The following SH3GLB2 variants were observed in gnomAD, a reference collection of about 807,000 sequenced individuals.
SH3GLB2 encodes endophilin-B2.
A neutral mutation model predicts 48.0 loss-of-function variants in SH3GLB2; 24 were observed. That is an observed-to-expected ratio of 0.50 (90% CI 0.36 to 0.70). SH3GLB2 has a LOEUF of 0.70. Ranked by LOEUF, SH3GLB2 falls within the 30% of genes least tolerant of loss-of-function variation. The pLI, the probability that SH3GLB2 is intolerant of heterozygous loss-of-function variation, is 0.00. For missense variants in SH3GLB2, 425 were observed against 516.0 expected (o/e 0.82, Z 1.71); for synonymous variants, 227 against 207.6 (o/e 1.09, Z -0.80).
In SH3GLB2 at chr9:129,012,142, A is replaced by G. The variant is rs577564669; in HGVS notation, c.624+94T>C. 149 of 741,572 alleles carry G rather than the reference A, an allele frequency of 2.0e-4. 1 individual carries two copies. Among genetic ancestry groups the G allele is most frequent in the South Asian group, 1.2e-3 (18 of 15,650 alleles). The allele number at this position is 741,572 out of a possible 1,614,324, so 45.9% of individuals were successfully genotyped here. A position where few individuals can be genotyped will look rare whatever the true frequency, so the allele number is the denominator to read the frequency against. ...CATGGCAGTGCCCCCGCCTTACCCA[A>G]GCTGGCTTCTAGCTCCTGTGCAGTC... On this transcript the variant is annotated intron_variant, in intron 6 of 10. Coordinates refer to ENST00000372564, the MANE Select transcript of SH3GLB2 (RefSeq NM_020145.4).
chr9:129,011,805 C>G lies in SH3GLB2; in HGVS notation c.624+431G>C, dbSNP rs539504932. On this transcript the variant is annotated intron_variant, in intron 6 of 10. Coordinates refer to ENST00000372564, the MANE Select transcript of SH3GLB2 (RefSeq NM_020145.4). The surrounding 1 kb of genome is among the most constrained non-coding windows in gnomAD (Gnocchi z 4.5). ...GCCCCCCAGGCGCTCTCCAGGCCTA[C>G]GACGCCATCCCTGCCTCCTGTCTTT... 30 of 163,528 alleles carry G rather than the reference C, an allele frequency of 1.8e-4. No homozygotes were observed. The South Asian group carries it at 2.8e-3, about 16-fold the overall frequency. The allele number at this position is 163,528 out of a possible 1,614,324, so 10.1% of individuals were successfully genotyped here.
Position 129,011,942 on chromosome 9 carries a change from G to C in SH3GLB2, c.624+294C>G. The C allele has an allele frequency of 2.9e-6, 1 of 350,190 alleles. No individual in the cohort carries two copies. The highest frequency in any genetic ancestry group is 5.1e-6 in the Non-Finnish European group (1 of 195,316). 21.7% of individuals were successfully genotyped at this position (350,190 alleles called of 1,614,324 possible). On this transcript the variant is annotated intron_variant, in intron 6 of 10. Transcript: ENST00000372564. The surrounding 1 kb of genome is among the most constrained non-coding windows in gnomAD (Gnocchi z 4.5). ...GGAGGTGGAGGGGCCCTGGGGATGG[G>C]ACAGCTGCCGCCCTGAGTTCTCCAC... is the stretch of plus-strand genomic sequence containing the variant.
chr9:129,012,988 C>T (rs926661518), intron 5 of SH3GLB2: 34 of 1,550,936 alleles, frequency 2.2e-5, no homozygotes, highest in African/African-American at 9.6e-5. Context: ...CAGCACAGCG[C>T]GTGGGACAGG....
In SH3GLB2 at chr9:129,021,172, G is replaced by T; in HGVS notation, c.253C>A (p.Pro85Thr). Residue 85 changes from proline to threonine, a missense_variant, in exon 3 of 11, where the codon CCC becomes ACC. Coordinates refer to ENST00000372564, the MANE Select transcript of SH3GLB2 (RefSeq NM_020145.4). ...AGCTCCCCGTTGGTGACCCTTGAGG[G>T]GACCTTCCTGTCCAGCTTCTCATAC... ...FLYEKLDRKV[P>T]SRVTNGELLA... 1 of 1,611,846 alleles carries T rather than the reference G, an allele frequency of 6.2e-7. No homozygotes were observed. Among genetic ancestry groups the T allele is most frequent in the Non-Finnish European group, 8.5e-7 (1 of 1,179,596 alleles).
rs755277535 is a variant in SH3GLB2, at chr9:129,014,889, T to G, written c.350A>C (p.Lys117Thr). The change falls in exon 4 of 11, where the codon AAG becomes ACG. Residue 117 changes from lysine (K) to threonine (T), a missense_variant. Lys to Thr is a moderately conservative substitution (Grantham distance 78, BLOSUM62 -1). Transcript: ENST00000372564. This position sits in a 1 kb window ranked among gnomAD's most constrained non-coding sequence, Gnocchi z 4.1. ...PTTPYGKTLIKVAEAEKQLGA... is the reference protein window; with the variant it reads ...PTTPYGKTLITVAEAEKQLGA... ...CAGTTGCTTTTCAGCTTCTGCCACC[T>G]TGATCAGTGTCTTCCCTGAGAAAAC... 1 of 1,613,808 alleles carries G rather than the reference T, an allele frequency of 6.2e-7. No individual in the cohort carries two copies.
chr9:129,026,947 G>A (rs924767895), intron 1 of SH3GLB2, among the ~76,000 whole-genome samples: 2 of 152,212 alleles, frequency 1.3e-5, no homozygotes, highest in Non-Finnish European at 2.9e-5. Context: ...GACTACATGG[G>A]TTGCTGGCTG....
chr9:129,023,043 C>G (rs1444410149), intron 1 of SH3GLB2, among the ~76,000 whole-genome samples: 1 of 152,174 alleles, frequency 6.6e-6, no homozygotes, highest in Non-Finnish European at 1.5e-5. Context: ...GCACCTCCCC[C>G]ATAGGTTATG....
chr9:129,028,148 A>C lies in SH3GLB2; in HGVS notation c.7T>G (p.Phe3Val). 1 of 1,488,200 alleles carries C rather than the reference A, an allele frequency of 6.7e-7. No individual in the cohort carries two copies. The allele number at this position is 1,488,200 out of a possible 1,614,324, so 92.2% of individuals were successfully genotyped here. A position where few individuals can be genotyped will look rare whatever the true frequency, so the allele number is the denominator to read the frequency against. Residue 3 changes from phenylalanine to valine, a missense_variant, in exon 1 of 11, where the codon TTC becomes GTC. By Grantham distance (50) the Phe-to-Val change is conservative. Coordinates refer to ENST00000372564, the MANE Select transcript of SH3GLB2 (RefSeq NM_020145.4). ...TCCGACGCCAGCTTCTTCATGTTGA[A>C]GTCCATGGCGTGCCCGCACGGCCGC... is the stretch of plus-strand genomic sequence containing the variant. MD[F>V]NMKKLASDAG...
Position 129,010,133 on chromosome 9 carries a change from A to AT in SH3GLB2, c.724dup (p.Ile242AsnfsTer3). 6.2e-7 allele frequency: 1 copy of AT among 1,613,892 alleles called. No individual in the cohort carries two copies. ...AGTGGGACTCACGTGAGTGCTACTG[A>AT]TTCCCTCCAGCAAGAGACGGGTCAC... On this transcript the variant is annotated frameshift_variant, in exon 8 of 11. Coordinates refer to ENST00000372564, the MANE Select transcript of SH3GLB2 (RefSeq NM_020145.4). LOFTEE classifies it high-confidence loss of function.
intron 2 of SH3GLB2, among the ~76,000 whole-genome samples, chr9:129,021,673 G>T (rs1843807436): frequency 6.6e-6 from 1 of 151,532 alleles, no homozygotes; most frequent in Admixed American, 6.6e-5. Context: ...AAGTGACCAG[G>T]TTGGGACGGA....
At position 129,014,804 on chromosome 9, in the gene SH3GLB2, G is replaced by A. The variant is rs1452072064; in HGVS notation, c.435C>T (p.Arg145=). The A allele has an allele frequency of 5.0e-6, 8 of 1,613,726 alleles. No individual in the cohort carries two copies. In the African/African-American group the frequency reaches 8.0e-5, roughly 16 times the overall value. The part of the protein sequence containing the change: ...TASISFLTPL[R]NFLEGDWKTI... The stretch of plus-strand genomic sequence containing the variant: ...TCTTCCAGTCCCCCTCCAGGAAGTT[G>A]CGCAAGGGTGTGAGGAAGCTGATGG... The change falls in exon 4 of 11, where the codon CGC becomes CGT. Residue 145 remains arginine (R), a synonymous_variant. Transcript: ENST00000372564. The surrounding 1 kb of genome is among the most constrained non-coding windows in gnomAD (Gnocchi z 4.1).
At chr9:129,017,311 T>G (rs1421856530) in intron 3 of SH3GLB2, among the ~76,000 whole-genome samples, 1 of 152,106 alleles carries the variant, frequency 6.6e-6, no homozygotes, top group Non-Finnish European at 1.5e-5. Flanking sequence ...ATACAAGCCT[T>G]GAACACTATT....
At chr9:129,015,020 A>C in intron 3 of SH3GLB2, 116 bp from the exon 4 acceptor site, 1 of 1,378,166 alleles carries the variant, frequency 7.3e-7, no homozygotes, top group Non-Finnish European at 9.8e-7. Context: ...CTCAGTGCAG[A>C]ATGCTTTGCC....
chr9:129,008,668 G>C lies in SH3GLB2; in HGVS notation c.*16C>G, dbSNP rs778468857. Reference sequence around the variant, plus strand: ...TCCTGCCTAGGCCAGAATGCGGGGGGGATGGGGGCACCTGCCTAGCTGAGC... The same window carrying C: ...TCCTGCCTAGGCCAGAATGCGGGGGCGATGGGGGCACCTGCCTAGCTGAGC... On this transcript the variant is annotated 3_prime_UTR_variant, in exon 11 of 11. Coordinates refer to ENST00000372564, the MANE Select transcript of SH3GLB2 (RefSeq NM_020145.4). The C allele has an allele frequency of 1.4e-5, 22 of 1,602,350 alleles. No homozygotes were observed. In the East Asian group the frequency reaches 4.5e-4, roughly 32 times the overall value.
At chr9:129,008,893 A>T in intron 10 of SH3GLB2, 102 bp from the exon 11 acceptor site, 1 of 1,303,440 alleles carries the variant, frequency 7.7e-7, no homozygotes, top group Non-Finnish European at 1.1e-6. Flanking sequence ...GGCCCGTGGC[A>T]TGTGCTACAC....
intron 3 of SH3GLB2, among the ~76,000 whole-genome samples, chr9:129,016,294 C>T (rs146974890): frequency 0.021 from 2,818 of 136,330 alleles, 91 homozygotes; most frequent in African/African-American, 0.074. Context: ...AGTGAGCCAA[C>T]GTCACACCAC....
chr9:129,025,514 C>T (rs1377489113), intron 1 of SH3GLB2, among the ~76,000 whole-genome samples: 5 of 150,830 alleles, frequency 3.3e-5, no homozygotes, highest in African/African-American at 9.8e-5. Flanking sequence ...TGCAGTGAGC[C>T]GAGATTGTGC....
At chr9:129,012,132 G>A (rs557608141) in intron 6 of SH3GLB2, 104 bp downstream of exon 6, 54 of 713,502 alleles carry the variant, frequency 7.6e-5, no homozygotes, top group Non-Finnish European at 8.2e-5. Context: ...CAGTGCCCCC[G>A]CCTTACCCAA....
At position 129,010,666 on chromosome 9, in the gene SH3GLB2, T is replaced by C. The variant is rs767866755; in HGVS notation, c.648+4A>G. 6.2e-7 allele frequency: 1 copy of C among 1,613,266 alleles called. No individual in the cohort carries two copies. The highest frequency in any genetic ancestry group is 1.1e-5 in the South Asian group (1 of 91,050). On this transcript the variant is annotated splice_donor_region_variant and intron_variant, in intron 7 of 10. Coordinates refer to ENST00000372564, the MANE Select transcript of SH3GLB2 (RefSeq NM_020145.4). ...CGAGCCCAGCCCCCCAGGCCCCAAC[T>C]TACCTTGTCCACTTCATCATTCCAG...
Sources: allele counts gnomAD v4.1 joint callset (sites outside exome capture counted in the v4.1 genomes callset), GRCh38; gene constraint gnomAD v4.1.1; non-coding constraint Gnocchi (gnomAD v3.1); transcripts MANE v1.5; gene names NCBI Gene and HGNC (gene_info 2026-07-23, HGNC 2026-07-21).